RHOBTB3: variants seen among roughly 807,000 people sequenced by gnomAD.
The protein encoded by RHOBTB3 is rho-related BTB domain-containing protein 3.
Under a neutral mutation model 67.2 loss-of-function variants are expected in RHOBTB3, and 47 were observed. The ratio of observed to expected loss-of-function variants is 0.70; its 90% CI spans 0.55 to 0.89. The LOEUF (loss-of-function observed/expected upper bound fraction) is 0.89. RHOBTB3 is among the 40% of genes least tolerant of loss of function. The pLI is 0.00. For synonymous variants in RHOBTB3, 273 were observed against 274.2 expected (o/e 1.00, Z 0.04); for missense variants, 631 against 750.0 (o/e 0.84, Z 1.85).
chr5:95,769,593 G>A (rs1745646301), intron 8 of RHOBTB3: 1 of 169,952 alleles, frequency 5.9e-6, no homozygotes, highest in Admixed American at 6.3e-5. Flanking sequence ...ACAGTAAACG[G>A]TGGAAAAACA....
intron 3 of RHOBTB3, among the ~76,000 whole-genome samples, chr5:95,742,848 G>A (rs1403202745): frequency 6.6e-6 from 1 of 152,118 alleles, no homozygotes; most frequent in Non-Finnish European, 1.5e-5. Context: ...CGAGGCGGGC[G>A]GATCATGAGG....
rs201633409 is a variant in RHOBTB3 at position 95,783,561 on chromosome 5, C to CAA, written c.1457-213_1457-212dup. On this transcript the variant is annotated intron_variant, in intron 9 of 11. Coordinates refer to ENST00000379982, the MANE Select transcript of RHOBTB3 (RefSeq NM_014899.4). Reference sequence around the variant, plus strand: ...GGCAACATAGTGAGACCTGTCTCTACAAAAAAAAAAAAAAAAAAAAAAAAG... The same window carrying CAA: ...GGCAACATAGTGAGACCTGTCTCTACAAAAAAAAAAAAAAAAAAAAAAAAAAG... 7.9e-3 allele frequency: 846 copies of CAA among 107,450 alleles called. 65 individuals carry two copies. The highest frequency in any genetic ancestry group is 0.023 in the Middle Eastern group (5 of 218). 6.7% of individuals were successfully genotyped at this position (107,450 alleles called of 1,614,324 possible).
At chr5:95,759,275 C>T (rs1483650085) in intron 6 of RHOBTB3, among the ~76,000 whole-genome samples, 2 of 152,196 alleles carry the variant, frequency 1.3e-5, no homozygotes, top group Non-Finnish European at 2.9e-5. Context: ...TGAGCAGGGG[C>T]ACGGGCCATT....
intron 6 of RHOBTB3, among the ~76,000 whole-genome samples, chr5:95,757,959 T>C (rs1745295925): frequency 6.6e-6 from 1 of 152,208 alleles, no homozygotes; most frequent in Admixed American, 6.5e-5. Context: ...CATGTTTACA[T>C]GTTAAGAGAA....
chr5:95,731,186 G>A, upstream of RHOBTB3: 1 of 1,007,046 alleles, frequency 9.9e-7, no homozygotes, highest in Non-Finnish European at 1.2e-6. Flanking sequence ...CGCCACCGGA[G>A]CTCCCGGGGC....
Position 95,757,890 on chromosome 5 carries a change from G to C in RHOBTB3, c.1048+2129G>C, listed in dbSNP as rs1384472699. Among the ~76,000 whole-genome samples the C allele has an allele frequency of 2.6e-5, 4 of 152,140 alleles. No homozygotes were observed. In the East Asian group the frequency reaches 7.7e-4, roughly 29 times the overall value. ...TTTAAAGACTTCATTTAGTACTATA[G>C]ATTTTGACGTTTAAACTTAGAATGT... is the stretch of plus-strand genomic sequence containing the variant. On this transcript the variant is annotated intron_variant, in intron 6 of 11. Coordinates refer to ENST00000379982, the MANE Select transcript of RHOBTB3 (RefSeq NM_014899.4).
chr5:95,784,124 G>T, intron 10 of RHOBTB3, among the ~76,000 whole-genome samples, 161 bp downstream of exon 10: 1 of 152,234 alleles, frequency 6.6e-6, no homozygotes, highest in Non-Finnish European at 1.5e-5. Flanking sequence ...TATCTGGCTA[G>T]ATAATTTTGA....
chr5:95,790,592 G>A (rs550478550), intron 11 of RHOBTB3, among the ~76,000 whole-genome samples: 1 of 152,316 alleles, frequency 6.6e-6, no homozygotes, highest in African/African-American at 2.4e-5. Flanking sequence ...CCAGTGCGAT[G>A]TGAGGTGGCA....
chr5:95,758,202 C>T (rs1745302882), intron 6 of RHOBTB3, among the ~76,000 whole-genome samples: 1 of 152,050 alleles, frequency 6.6e-6, no homozygotes, highest in African/African-American at 2.4e-5. Flanking sequence ...AGGGGGAGTG[C>T]TTTATTTAAT....
chr5:95,722,764 T>C (rs577441526), intron 1 of RHOBTB3, among the ~76,000 whole-genome samples: 81 of 152,294 alleles, frequency 5.3e-4, no homozygotes, highest in Non-Finnish European at 7.5e-4. Flanking sequence ...ATTATAGGCG[T>C]GAGCCACTGC....
chr5:95,794,281 T>C lies in RHOBTB3; in HGVS notation c.*1107T>C. ...CTAACCAGCCTAACTTTAATACACA[T>C]GTATAAAGATGTTCACAGAGAAAGA... is the stretch of plus-strand genomic sequence containing the variant. On this transcript the variant is annotated 3_prime_UTR_variant, in exon 12 of 12. Coordinates refer to ENST00000379982, the MANE Select transcript of RHOBTB3 (RefSeq NM_014899.4). 5.0e-6 allele frequency: 1 copy of C among 198,376 alleles called. No individual in the cohort carries two copies. Among genetic ancestry groups the C allele is most frequent in the Non-Finnish European group, 1.1e-5 (1 of 94,086 alleles). The allele number at this position is 198,376 out of a possible 1,614,324, so 12.3% of individuals were successfully genotyped here.
chr5:95,767,934 G>A, intron 7 of RHOBTB3, 112 bp from the exon 8 acceptor site: 1 of 998,748 alleles, frequency 1.0e-6, no homozygotes, highest in African/African-American at 1.6e-5. Flanking sequence ...CATAGAGTAG[G>A]GAATCATATT....
At chr5:95,734,007 C>T (rs1224254006) in intron 2 of RHOBTB3, among the ~76,000 whole-genome samples, 1 of 152,136 alleles carries the variant, frequency 6.6e-6, no homozygotes, top group African/African-American at 2.4e-5. Flanking sequence ...AATATGCCTC[C>T]TAAAGCTGTG....
At chr5:95,767,054 A>G (rs1013573031) in intron 7 of RHOBTB3, among the ~76,000 whole-genome samples, 1 of 152,132 alleles carries the variant, frequency 6.6e-6, no homozygotes, top group Non-Finnish European at 1.5e-5. Context: ...CCCTGTCTCT[A>G]CAAAAAATCA....
intron 3 of RHOBTB3, among the ~76,000 whole-genome samples, chr5:95,741,949 T>C (rs146229422): frequency 4.8e-3 from 737 of 152,346 alleles, no homozygotes; most frequent in African/African-American, 0.017. Flanking sequence ...TGATCTGTTC[T>C]GATTATTCTT....
intron 10 of RHOBTB3, among the ~76,000 whole-genome samples, chr5:95,787,139 C>A (rs1368159259): frequency 6.6e-6 from 1 of 152,192 alleles, no homozygotes; most frequent in Non-Finnish European, 1.5e-5. Flanking sequence ...CTGTTTATTT[C>A]TGTGACCTCC....
chr5:95,731,397 G>T lies in RHOBTB3; in HGVS notation c.-286G>T, dbSNP rs998782083. On this transcript the variant is annotated 5_prime_UTR_variant, in exon 1 of 12. Coordinates refer to ENST00000379982, the MANE Select transcript of RHOBTB3 (RefSeq NM_014899.4). ...CGGAGAGGGGACTGCGGTCAGCTGCGTCCACTTGGGGCTGTGCGGCGGTCC... is the reference window on the plus strand; with the variant it reads ...CGGAGAGGGGACTGCGGTCAGCTGCTTCCACTTGGGGCTGTGCGGCGGTCC... The T allele has an allele frequency of 8.5e-7, 1 of 1,175,668 alleles. No individual in the cohort carries two copies. Among genetic ancestry groups the T allele is most frequent in the East Asian group, 4.0e-5 (1 of 24,702 alleles). The allele number at this position is 1,175,668 out of a possible 1,614,324, so 72.8% of individuals were successfully genotyped here. A position where few individuals can be genotyped will look rare whatever the true frequency, so the allele number is the denominator to read the frequency against.
intron 3 of RHOBTB3, among the ~76,000 whole-genome samples, chr5:95,747,009 C>T (rs1312672082): frequency 6.6e-6 from 1 of 152,174 alleles, no homozygotes; most frequent in Non-Finnish European, 1.5e-5. Context: ...GGGGGAGTTG[C>T]TCAAATGTCC....
At chr5:95,760,068 C>A (rs117000553) in intron 6 of RHOBTB3, among the ~76,000 whole-genome samples, 1 of 151,618 alleles carries the variant, frequency 6.6e-6, no homozygotes, top group Non-Finnish European at 1.5e-5. Flanking sequence ...ACATTTGGTT[C>A]GTTATTTAGG....
Sources: gnomAD v4.1 joint callset for allele counts (sites outside exome capture counted in the v4.1 genomes callset) on GRCh38, gnomAD v4.1.1 for gene constraint, MANE v1.5 for transcripts, NCBI Gene and HGNC (gene_info 2026-07-23, HGNC 2026-07-21) for gene names.